Variants in EIF4B observed in about 807,000 individuals in gnomAD.
The protein encoded by EIF4B is eukaryotic translation initiation factor 4B.
EIF4B carries 8 observed loss-of-function variants against 79.3 expected under a neutral mutation model. That is an observed-to-expected ratio of 0.10 (90% CI 0.06 to 0.18). EIF4B has a LOEUF of 0.18. Among genes scored for constraint, EIF4B ranks in the 10% least tolerant of loss-of-function variants. EIF4B has a pLI of 1.00. For missense variants in EIF4B, 515 were observed against 792.4 expected (o/e 0.65, Z 4.20); for synonymous variants, 238 against 274.7 (o/e 0.87, Z 1.32).
At chr12:53,007,380 TGTTG>T (rs1942984830) in intron 1 of EIF4B, among the ~76,000 whole-genome samples, 1 of 151,546 alleles carries the variant, frequency 6.6e-6, no homozygotes, top group Non-Finnish European at 1.5e-5. Context: ...GGCGCTTCCA[TGTTG>T]GTTGAATTTG....
chr12:53,018,731 C>T, intron 2 of EIF4B, 67 bp from the exon 3 acceptor site: 3 of 1,569,556 alleles, frequency 1.9e-6, no homozygotes, highest in African/African-American at 1.4e-5. Context: ...TAACATGGGT[C>T]CTCTTGTTCT....
intron 8 of EIF4B, among the ~76,000 whole-genome samples, chr12:53,033,162 G>C (rs1943477069): frequency 6.6e-6 from 1 of 151,124 alleles, no homozygotes; most frequent in South Asian, 2.1e-4. Flanking sequence ...TGGGATTATA[G>C]GCATGCACCA....
intron 6 of EIF4B, among the ~76,000 whole-genome samples, chr12:53,027,487 G>T (rs1943357017): frequency 6.6e-6 from 1 of 151,948 alleles, no homozygotes; most frequent in African/African-American, 2.4e-5. Context: ...AAACATGGGA[G>T]ATTCCCAACT....
chr12:53,033,323 C>A (rs1943481013), intron 8 of EIF4B, among the ~76,000 whole-genome samples: 1 of 144,658 alleles, frequency 6.9e-6, no homozygotes, highest in African/African-American at 2.5e-5. Flanking sequence ...CCAGCCTGAG[C>A]TACCTATTTT....
chr12:53,019,108 A>G, intron 3 of EIF4B, 102 bp downstream of exon 3: 2 of 1,365,410 alleles, frequency 1.5e-6, no homozygotes, highest in Non-Finnish European at 2.0e-6. Flanking sequence ...AACTAGAAAT[A>G]TAATTTAAGG....
At chr12:53,019,437 ATTTTTTTTTTTTCT>A (rs1943205852) in intron 3 of EIF4B, among the ~76,000 whole-genome samples, 1 of 51,008 alleles carries the variant, frequency 2.0e-5, no homozygotes, top group African/African-American at 6.6e-5. Context: ...ATATATATAT[ATTTTTTTTTTTTCT>A]TTTTTTTTTT....
intron 4 of EIF4B, among the ~76,000 whole-genome samples, chr12:53,020,502 G>A (rs1223177218): frequency 6.6e-6 from 1 of 152,152 alleles, no homozygotes; most frequent in Non-Finnish European, 1.5e-5. Flanking sequence ...ACAGGAGAGT[G>A]ACAATAAATA....
At chr12:53,010,861 C>G (rs1009083447) in intron 1 of EIF4B, among the ~76,000 whole-genome samples, 2 of 152,166 alleles carry the variant, frequency 1.3e-5, no homozygotes, top group Non-Finnish European at 2.9e-5. Flanking sequence ...GCATGAGCCA[C>G]CACACCTGGC....
chr12:53,019,450 C>CTTTTTTTTCTTTTTTT (rs1943208629), intron 3 of EIF4B, among the ~76,000 whole-genome samples: 2 of 65,994 alleles, frequency 3.0e-5, no homozygotes, highest in Non-Finnish European at 6.3e-5. Context: ...TTTTTTTTTT[C>CTTTTTTTTCTTTTTTT]TTTTTTTTTT....
At chr12:53,012,438 T>C (rs1156267390) in intron 1 of EIF4B, among the ~76,000 whole-genome samples, 1 of 151,222 alleles carries the variant, frequency 6.6e-6, no homozygotes, top group Non-Finnish European at 1.5e-5. Flanking sequence ...CCGGTAATCC[T>C]CGCTACTTGG....
chr12:53,034,505 A>G, intron 9 of EIF4B, 107 bp from the exon 10 acceptor site: 1 of 998,772 alleles, frequency 1.0e-6, no homozygotes, highest in Admixed American at 2.0e-5. Flanking sequence ...TTATATGCAT[A>G]TACACATATA....
rs374172229 is a variant in EIF4B, at chr12:53,027,839, G to A, written c.725G>A (p.Arg242Gln). ...RYRDGYRDGY[R>Q]DGPRRDMDRY... is the part of the protein sequence containing the mutation. ...CGGGATGGGTATCGGGATGGGTATC[G>A]GGATGGCCCACGCCGGGATATGGAT... Residue 242 changes from arginine (R) to glutamine (Q), a missense_variant, in exon 7 of 15, where the codon CGG (arginine) becomes CAG (glutamine). This residue lies in a region of EIF4B where 187 missense variants were observed against 256.5 expected (regional missense o/e 0.73). Transcript: ENST00000262056. 6 of 1,613,974 alleles carry A rather than the reference G, an allele frequency of 3.7e-6. No individual in the cohort carries two copies. The highest frequency in any genetic ancestry group is 1.3e-5 in the African/African-American group (1 of 74,944).
At chr12:53,026,089 G>T (rs892071302) in intron 6 of EIF4B, among the ~76,000 whole-genome samples, 8 of 151,924 alleles carry the variant, frequency 5.3e-5, no homozygotes, top group Non-Finnish European at 1.0e-4. Context: ...GACAGAGTGA[G>T]ACTCCGTCTC....
At chr12:53,038,182 A>G (rs1392476216) in intron 11 of EIF4B, 174 bp from the exon 12 acceptor site, 1 of 499,472 alleles carries the variant, frequency 2.0e-6, no homozygotes, top group East Asian at 3.5e-5. Flanking sequence ...ATGGCACTTT[A>G]GTGTTCAAAT....
intron 6 of EIF4B, among the ~76,000 whole-genome samples, chr12:53,027,528 G>GT (rs1443582457): frequency 2.0e-5 from 3 of 152,048 alleles, no homozygotes; most frequent in East Asian, 3.9e-4. Flanking sequence ...GCTTTGTTTT[G>GT]TTTTTTGTTT....
intron 1 of EIF4B, among the ~76,000 whole-genome samples, chr12:53,015,284 A>T (rs1376234059): frequency 2.0e-5 from 3 of 152,216 alleles, no homozygotes; most frequent in African/African-American, 7.2e-5. Context: ...TATGAAAAAA[A>T]CTTAGGTTTT....
intron 5 of EIF4B, chr12:53,022,199 T>G (rs901551318): frequency 1.5e-6 from 1 of 669,674 alleles, no homozygotes. Context: ...ATAAATAGAT[T>G]AGCTGCCTAA....
At chr12:53,039,811 T>C (rs1943600478) in intron 14 of EIF4B, 109 bp downstream of exon 14, 1 of 1,223,932 alleles carries the variant, frequency 8.2e-7, no homozygotes, top group South Asian at 1.5e-5. Flanking sequence ...TTTTTGCCGT[T>C]GGACTTCTTT....
intron 10 of EIF4B, among the ~76,000 whole-genome samples, chr12:53,035,987 T>TTTTGTATTTTTAATAGAGGCGCAGA (rs141046894): frequency 4.6e-5 from 7 of 150,776 alleles, no homozygotes; most frequent in Non-Finnish European, 8.8e-5. Context: ...CCGACTAATT[T>TTTTGTATTTTTAATAGAGGCGCAGA]TTTGAACGGG....
Sources: gnomAD v4.1 joint callset for allele counts (sites outside exome capture counted in the v4.1 genomes callset) on GRCh38, gnomAD v4.1.1 for gene constraint, gnomAD v4.1.1 regional missense constraint, MANE v1.5 for transcripts, NCBI Gene and HGNC (gene_info 2026-07-23, HGNC 2026-07-21) for gene names.